C9: variants seen among roughly 807,000 people sequenced by gnomAD.
The protein encoded by C9 is complement component C9.
In C9, 63 loss-of-function variants were observed where a neutral mutation model predicts 65.4. The ratio of observed to expected loss-of-function variants is 0.96; its 90% CI spans 0.79 to 1.19. C9 has a LOEUF of 1.19. Among genes scored for constraint, C9 ranks in the 50% most tolerant of loss-of-function variants. The pLI, the probability that C9 is intolerant of heterozygous loss-of-function variation, is 0.00. For missense variants in C9, 744 were observed against 670.1 expected (o/e 1.11, Z -1.22); for synonymous variants, 229 against 227.9 (o/e 1.00, Z -0.04).
chr5:39,336,807 G>A (rs1205507193), intron 4 of C9, among the ~76,000 whole-genome samples: 2 of 151,984 alleles, frequency 1.3e-5, no homozygotes, highest in African/African-American at 4.8e-5. Context: ...CTTTTTCTGA[G>A]TTATATACCA....
At chr5:39,344,207 A>G (rs1253951235) in intron 1 of C9, among the ~76,000 whole-genome samples, 1 of 152,266 alleles carries the variant, frequency 6.6e-6, no homozygotes, top group Admixed American at 6.5e-5. Flanking sequence ...AGAAGGCTAC[A>G]GACGATCAGA....
At chr5:39,314,413 T>TA (rs1369705695) in intron 6 of C9, among the ~76,000 whole-genome samples, 1 of 151,966 alleles carries the variant, frequency 6.6e-6, no homozygotes, top group East Asian at 1.9e-4. Context: ...CACACCATTG[T>TA]ACTGCAGCCT....
At chr5:39,309,241 G>A (rs141265189) in intron 7 of C9, among the ~76,000 whole-genome samples, 216 of 151,944 alleles carry the variant, frequency 1.4e-3, no homozygotes, top group Middle Eastern at 3.4e-3. Flanking sequence ...AGTTTTTGCC[G>A]TTATTTATCA....
intron 9 of C9, among the ~76,000 whole-genome samples, chr5:39,302,245 CT>C (rs1459286393): frequency 2.6e-5 from 4 of 152,046 alleles, no homozygotes; most frequent in Non-Finnish European, 5.9e-5. Context: ...GAACTTTTAT[CT>C]TCTATTAAGT....
chr5:39,297,206 A>C (rs1175188658), intron 9 of C9, among the ~76,000 whole-genome samples: 4 of 151,750 alleles, frequency 2.6e-5, no homozygotes, highest in South Asian at 2.1e-4. Flanking sequence ...TGATGGATAC[A>C]CTAATTACCC....
At chr5:39,335,815 A>C (rs1753953782) in intron 4 of C9, among the ~76,000 whole-genome samples, 1 of 152,062 alleles carries the variant, frequency 6.6e-6, no homozygotes, top group East Asian at 1.9e-4. Context: ...GTTTTAGAAG[A>C]AAGATTTGAT....
rs373022103 is a variant in C9 at position 39,350,722 on chromosome 5, G to A, written c.78-8526C>T. Among the ~76,000 whole-genome samples the A allele has an allele frequency of 8.2e-4, 125 of 152,218 alleles. 1 individual carries two copies. The highest frequency in any genetic ancestry group is 2.9e-3 in the African/African-American group (121 of 41,542). On this transcript the variant is annotated intron_variant, in intron 1 of 10. Coordinates refer to ENST00000263408, the MANE Select transcript of C9 (RefSeq NM_001737.5). ...CATGTTCAGGGAATGCTGATGCAAGGAGCAGCTCTGCTTCTGTGCCGCTGC... is the reference window on the plus strand; with the variant it reads ...CATGTTCAGGGAATGCTGATGCAAGAAGCAGCTCTGCTTCTGTGCCGCTGC...
intron 4 of C9, among the ~76,000 whole-genome samples, chr5:39,332,709 A>G (rs902855659): frequency 6.6e-6 from 1 of 152,200 alleles, no homozygotes; most frequent in African/African-American, 2.4e-5. Flanking sequence ...AAACTCTTCC[A>G]TTGCCCTAGG....
chr5:39,358,144 G>A (rs568461290), intron 1 of C9, among the ~76,000 whole-genome samples: 1 of 152,212 alleles, frequency 6.6e-6, no homozygotes, highest in Admixed American at 6.5e-5. Context: ...CTGAGCCCAG[G>A]CAACCCCTGG....
chr5:39,348,677 A>G (rs552088363), intron 1 of C9, among the ~76,000 whole-genome samples: 1 of 152,312 alleles, frequency 6.6e-6, no homozygotes, highest in South Asian at 2.1e-4. Context: ...CTGGGTATAT[A>G]CCCAAAGGAT....
chr5:39,335,849 T>C (rs1474092916), intron 4 of C9, among the ~76,000 whole-genome samples: 1 of 151,946 alleles, frequency 6.6e-6, no homozygotes, highest in Non-Finnish European at 1.5e-5. Flanking sequence ...GGTGGGTAAA[T>C]TGGGATGGGG....
chr5:39,339,966 T>C (rs1241761425), intron 4 of C9, among the ~76,000 whole-genome samples: 1 of 152,096 alleles, frequency 6.6e-6, no homozygotes, highest in Non-Finnish European at 1.5e-5. Flanking sequence ...TCGTCAAATG[T>C]CTGCTGGGGG....
intron 4 of C9, among the ~76,000 whole-genome samples, chr5:39,333,558 C>CCCTCTCCCTCTT (rs2111933439): frequency 7.3e-6 from 1 of 137,328 alleles, no homozygotes; most frequent in African/African-American, 2.5e-5. Context: ...ACTTATATCT[C>CCCTCTCCCTCTT]CCTCTCCCTC....
intron 4 of C9, 71 bp from the exon 5 acceptor site, chr5:39,331,885 GA>G: frequency 2.3e-6 from 3 of 1,295,354 alleles, no homozygotes; most frequent in East Asian, 2.3e-5. Flanking sequence ...TCTGTAGCTG[GA>G]AAAAGTGAGA....
intron 5 of C9, 56 bp from the exon 6 acceptor site, chr5:39,316,085 C>T: frequency 6.9e-7 from 1 of 1,447,356 alleles, no homozygotes; most frequent in Non-Finnish European, 9.6e-7. Context: ...AAAGGAAAAA[C>T]AAGCAGAACA....
intron 4 of C9, among the ~76,000 whole-genome samples, chr5:39,338,093 A>T (rs1443719523): frequency 6.6e-6 from 1 of 152,250 alleles, no homozygotes; most frequent in Non-Finnish European, 1.5e-5. Flanking sequence ...ATGAAAGAAT[A>T]TTACAAATAT....
intron 8 of C9, among the ~76,000 whole-genome samples, chr5:39,307,773 G>T (rs1264477886): frequency 1.3e-5 from 2 of 152,114 alleles, no homozygotes; most frequent in African/African-American, 4.8e-5. Context: ...TTTTGAAAAG[G>T]TTAGGCACCA....
chr5:39,344,063 A>G (rs747199470), intron 1 of C9, among the ~76,000 whole-genome samples: 1 of 152,158 alleles, frequency 6.6e-6, no homozygotes, highest in East Asian at 1.9e-4. Flanking sequence ...TAAAACCACA[A>G]AGATGGGGGA....
In C9 at chr5:39,306,660, C is replaced by T. The variant is rs1016438634; in HGVS notation, c.1373G>A (p.Trp458Ter). ...AGGAGCATCATTTATGGAAGAGGCC[C>T]AGTTGACAAAGTCAGTCACATCAAT... ...TVIDVTDFVN[W>*]ASSINDAPVL... The change falls in exon 9 of 11, where the codon TGG (tryptophan) becomes TAG (stop). Residue 458 changes from tryptophan (W) to a stop codon, truncating the protein, a stop_gained. Coordinates refer to ENST00000263408, the MANE Select transcript of C9 (RefSeq NM_001737.5). LOFTEE classifies it high-confidence loss of function. The T allele has an allele frequency of 1.5e-5, 24 of 1,613,678 alleles. No homozygotes were observed. Among genetic ancestry groups the T allele is most frequent in the Non-Finnish European group, 1.8e-5 (21 of 1,179,782 alleles).
Sources: gnomAD v4.1 joint callset for allele counts (sites outside exome capture counted in the v4.1 genomes callset) on GRCh38, gnomAD v4.1.1 for gene constraint, MANE v1.5 for transcripts, NCBI Gene and HGNC (gene_info 2026-07-23, HGNC 2026-07-21) for gene names.